USP47: variants seen among roughly 807,000 people sequenced by gnomAD.
USP47 encodes the protein ubiquitin specific peptidase 47, also known as ubiquitin carboxyl-terminal hydrolase 47.
Under a neutral mutation model 165.1 loss-of-function variants are expected in USP47, and 35 were observed. The observed-to-expected ratio is 0.21, with a 90% CI of 0.16 to 0.28. The LOEUF (loss-of-function observed/expected upper bound fraction) is 0.28. Ranked by LOEUF, USP47 falls within the 10% of genes least tolerant of loss-of-function variation. The pLI is 1.00. For synonymous variants in USP47, 531 were observed against 544.5 expected, an observed-to-expected ratio of 0.98 and a Z score of 0.35; for missense variants, 1,277 against 1,607.4, an observed-to-expected ratio of 0.79 and a Z score of 3.52.
At chr11:11,929,645 A>G in intron 12 of USP47, 80 bp downstream of exon 12, 1 of 1,544,182 alleles carries the variant, frequency 6.5e-7, no homozygotes, top group Non-Finnish European at 8.8e-7. Flanking sequence ...GTTTATTAAG[A>G]ATGAGTGAAT....
intron 3 of USP47, chr11:11,884,805 A>G (rs1851049791): frequency 2.5e-6 from 1 of 398,934 alleles, no homozygotes; most frequent in African/African-American, 2.1e-5. Flanking sequence ...CCTTGGATTT[A>G]ACATATACTG....
intron 8 of USP47, among the ~76,000 whole-genome samples, chr11:11,919,748 T>C (rs1379225393): frequency 2.0e-5 from 3 of 151,912 alleles, no homozygotes; most frequent in Admixed American, 6.6e-5. Context: ...TTAGAGAACA[T>C]TGATATTTAC....
chr11:11,921,743 T>C (rs551017080), intron 10 of USP47, among the ~76,000 whole-genome samples: 3 of 151,994 alleles, frequency 2.0e-5, no homozygotes, highest in South Asian at 2.1e-4. Context: ...GGAAAACTTA[T>C]ATATGAAGCT....
Position 11,899,009 on chromosome 11 carries a change from T to C in USP47, c.593+1316T>C, listed in dbSNP as rs144621058. On this transcript the variant is annotated intron_variant, in intron 5 of 27. Coordinates refer to ENST00000527733, the MANE Select transcript of USP47 (RefSeq NM_001282659.2). ...AGGTAACTGAAGGCACAGAGAAATA[T>C]AGCTTTGCCTGAAAGCACACTGCTA... Among the ~76,000 whole-genome samples, 61 of 152,328 alleles carry C rather than the reference T, an allele frequency of 4.0e-4. No homozygotes were observed. The East Asian group carries it at 8.1e-3, about 20-fold the overall frequency.
intron 1 of USP47, among the ~76,000 whole-genome samples, chr11:11,873,421 C>T (rs889901598): frequency 3.9e-5 from 6 of 152,008 alleles, no homozygotes; most frequent in Non-Finnish European, 5.9e-5. Context: ...GAGTAGCTGT[C>T]GTGAAAAATT....
rs1193019122 is a variant in USP47, at chr11:11,958,545, A to G, written c.*2370A>G. On this transcript the variant is annotated 3_prime_UTR_variant, in exon 28 of 28. Transcript: ENST00000527733. The stretch of plus-strand genomic sequence containing the variant: ...CTGAGCCCGGGGGCGGTGGAGCCTC[A>G]TGATCTCTTATCTTTTGAGGCTGAG... The G allele has an allele frequency of 6.6e-6, 1 of 152,184 alleles. No individual in the cohort carries two copies. Among genetic ancestry groups the G allele is most frequent in the Non-Finnish European group, 1.5e-5 (1 of 68,034 alleles). 9.4% of individuals were successfully genotyped at this position (152,184 alleles called of 1,614,324 possible).
At chr11:11,910,906 C>T (rs1235884363) in intron 8 of USP47, among the ~76,000 whole-genome samples, 1 of 152,094 alleles carries the variant, frequency 6.6e-6, no homozygotes, top group Non-Finnish European at 1.5e-5. Context: ...AACCAGTAGA[C>T]ATAAACACTG....
At chr11:11,870,839 C>T (rs936611555) in intron 1 of USP47, among the ~76,000 whole-genome samples, 1 of 152,154 alleles carries the variant, frequency 6.6e-6, no homozygotes, top group African/African-American at 2.4e-5. Flanking sequence ...TCATCTACAT[C>T]AGTGCTTACA....
Position 11,880,389 on chromosome 11 carries a change from C to T in USP47, c.243+9C>T, listed in dbSNP as rs1344810605. 1 of 1,282,272 alleles carries T rather than the reference C, an allele frequency of 7.8e-7. No individual in the cohort carries two copies. The highest frequency in any genetic ancestry group is 9.8e-7 in the Non-Finnish European group (1 of 1,015,710). 79.4% of individuals were successfully genotyped at this position (1,282,272 alleles called of 1,614,324 possible). On this transcript the variant is annotated intron_variant, in intron 2 of 27. Transcript: ENST00000527733. ...TCAATACTGCTGATATGGTAAAATC[C>T]TAGACTTAAGCTTCTAAAAATGTTA...
rs7129520 is a variant in USP47 at position 11,930,245 on chromosome 11, T to C, written c.1595+125T>C. 8.8e-3 allele frequency: 6,818 copies of C among 772,478 alleles called. 118 individuals are homozygous for C. The highest frequency in any genetic ancestry group is 0.055 in the African/African-American group (3,101 of 56,720). The allele number at this position is 772,478 out of a possible 1,614,324, so 47.9% of individuals were successfully genotyped here. ...TACAACCCATGAGCCAAATCCAACCTGCCTCCATATTTTGGAAATAAAGTT... is the reference window on the plus strand; with the variant it reads ...TACAACCCATGAGCCAAATCCAACCCGCCTCCATATTTTGGAAATAAAGTT... On this transcript the variant is annotated intron_variant, in intron 13 of 27. Transcript: ENST00000527733.
chr11:11,915,145 G>A (rs180932661), intron 8 of USP47, among the ~76,000 whole-genome samples: 40 of 152,182 alleles, frequency 2.6e-4, no homozygotes, highest in Non-Finnish European at 5.4e-4. Flanking sequence ...ATAGTACTTA[G>A]CAATAAAAAG....
At chr11:11,892,825 AAAAAAAAAAGAAAAAG>A in intron 4 of USP47, among the ~76,000 whole-genome samples, 1 of 143,176 alleles carries the variant, frequency 7.0e-6, no homozygotes, top group African/African-American at 2.6e-5. Context: ...AAGTAAAAAA[AAAAAAAAAAGAAAAAG>A]AAAAAAAAAA....
intron 2 of USP47, among the ~76,000 whole-genome samples, chr11:11,883,051 A>C (rs1455491742): frequency 6.6e-6 from 1 of 152,122 alleles, no homozygotes; most frequent in Non-Finnish European, 1.5e-5. Flanking sequence ...TCAGAAAACT[A>C]AGCCCATTTA....
chr11:11,866,328 A>C (rs73411081), intron 1 of USP47, among the ~76,000 whole-genome samples: 5,302 of 152,254 alleles, frequency 0.035, 301 homozygotes, highest in African/African-American at 0.12. Flanking sequence ...GATAAGACTC[A>C]AGGCTCAGGA....
rs181694586 is a variant in USP47, at chr11:11,914,735, A to G, written c.970-5421A>G. On this transcript the variant is annotated intron_variant, in intron 8 of 27. Transcript: ENST00000527733. ...AACATTTCATTAAAGAGGATATACA[A>G]ATGTCAAATACAGAAAAGATACTCA... Among the ~76,000 whole-genome samples the G allele has an allele frequency of 5.2e-3, 794 of 152,282 alleles. 10 individuals carry two copies. The highest frequency in any genetic ancestry group is 0.018 in the African/African-American group (763 of 41,556).
At chr11:11,867,000 C>T (rs965746814) in intron 1 of USP47, among the ~76,000 whole-genome samples, 8 of 152,046 alleles carry the variant, frequency 5.3e-5, no homozygotes, top group African/African-American at 1.2e-4. Context: ...CAGGTTCAAG[C>T]GATTCTCCTG....
At chr11:11,873,179 A>G (rs1010320845) in intron 1 of USP47, among the ~76,000 whole-genome samples, 1 of 152,158 alleles carries the variant, frequency 6.6e-6, no homozygotes, top group African/African-American at 2.4e-5. Flanking sequence ...TCAAGAGAAT[A>G]TGTTGATTTC....
chr11:11,948,172 T>G (rs1406983262), intron 21 of USP47, 52 bp downstream of exon 21: 1 of 1,545,552 alleles, frequency 6.5e-7, no homozygotes, highest in African/African-American at 1.4e-5. Flanking sequence ...ATGATAGATT[T>G]GAGAACAGCT....
intron 8 of USP47, among the ~76,000 whole-genome samples, chr11:11,914,185 T>G (rs1853236334): frequency 6.6e-6 from 1 of 152,108 alleles, no homozygotes; most frequent in Non-Finnish European, 1.5e-5. Context: ...ATCAAGACTA[T>G]GTGATATTGG....
Sources: gnomAD v4.1 joint callset for allele counts (sites outside exome capture counted in the v4.1 genomes callset) on GRCh38, gnomAD v4.1.1 for gene constraint, MANE v1.5 for transcripts, NCBI Gene and HGNC (gene_info 2026-07-23, HGNC 2026-07-21) for gene names.